The following MYL7 variants were observed in gnomAD, a reference collection of about 807,000 sequenced individuals.
MYL7 encodes myosin light chain 7.
In MYL7, 27 loss-of-function variants were observed where a neutral mutation model predicts 22.5. That is an observed-to-expected ratio of 1.20 (90% confidence interval 0.89 to 1.66). The LOEUF (loss-of-function observed/expected upper bound fraction) is 1.66, where lower values mean the gene tolerates loss of function less well. MYL7 is among the 40% of genes most tolerant of loss of function. The pLI, the probability that MYL7 is intolerant of heterozygous loss-of-function variation, is 0.00. For missense variants in MYL7, 209 were observed against 226.8 expected (o/e 0.92, Z 0.50); for synonymous variants, 81 against 84.4 (o/e 0.96, Z 0.22).
chr7:44,140,119 T>C (rs2096263466), intron 4 of MYL7, among the ~76,000 whole-genome samples: 1 of 152,002 alleles, frequency 6.6e-6, no homozygotes, highest in South Asian at 2.1e-4. Flanking sequence ...GGGTGACCAG[T>C]GCACATGGGA....
rs1278559419 is a variant in MYL7, at chr7:44,140,338, C to T, written c.283G>A (p.Gly95Arg). Residue 95 changes from glycine to arginine, a missense_variant, in exon 4 of 7, where the codon GGG (glycine) becomes AGG (arginine). Gly to Arg is a moderately radical substitution (Grantham distance 125). Coordinates refer to ENST00000223364, the MANE Select transcript of MYL7 (RefSeq NM_021223.3). ...INFTVFLTLF[G>R]EKLNGTDPEE... ...CCAGGCTCACCATTGAGCTTCTCCC[C>T]AAAGAGCGTGAGGAAGACGGTGAAG... is the stretch of plus-strand genomic sequence containing the variant. 7 of 1,614,006 alleles carry T rather than the reference C, an allele frequency of 4.3e-6. No homozygotes were observed. The East Asian group carries it at 1.1e-4, about 26-fold the overall frequency.
chr7:44,140,484 C>A (rs766451902), intron 3 of MYL7, 57 bp from the exon 4 acceptor site: 3 of 1,452,428 alleles, frequency 2.1e-6, no homozygotes, highest in Non-Finnish European at 2.9e-6. Context: ...CCCAGAAGGC[C>A]CAGGCCGCCC....
chr7:44,140,279 G>A (rs62460073), intron 4 of MYL7, 44 bp downstream of exon 4: 2 of 1,546,870 alleles, frequency 1.3e-6, no homozygotes, highest in Non-Finnish European at 1.8e-6. Context: ...CAGGGTGCAG[G>A]CTCCCTGCCT....
In MYL7 at chr7:44,138,951, G is replaced by T. The variant is rs377292805; in HGVS notation, c.498C>A (p.Ile166=). The stretch of plus-strand genomic sequence containing the variant: ...CCTCTTTCTCGTCTCCATGGGTGAT[G>T]ATGTAGCACAGTGACTTGTAGTCGA... ...GNIDYKSLCY[I]ITHGDEKEE Residue 166 remains isoleucine, a synonymous_variant, in exon 7 of 7, where the codon ATC becomes ATA. Transcript: ENST00000223364. 2 of 1,614,040 alleles carry T rather than the reference G, an allele frequency of 1.2e-6. No individual in the cohort carries two copies. The highest frequency in any genetic ancestry group is 1.7e-6 in the Non-Finnish European group (2 of 1,180,004).
chr7:44,139,689 GC>G, intron 5 of MYL7, 92 bp downstream of exon 5: 1 of 1,572,676 alleles, frequency 6.4e-7, no homozygotes, highest in Non-Finnish European at 8.7e-7. Context: ...GCAGTGTAAG[GC>G]CCCGAAGCAC....
intron 3 of MYL7, 89 bp from the exon 4 acceptor site, chr7:44,140,516 G>C: frequency 3.9e-6 from 5 of 1,278,576 alleles, no homozygotes; most frequent in Non-Finnish European, 5.5e-6. Flanking sequence ...TGGCCACAGG[G>C]GCTGGAGGGG....
In MYL7 at chr7:44,140,707, C is replaced by A. The variant is rs373304028; in HGVS notation, c.193+5G>T. The A allele has an allele frequency of 1.9e-6, 3 of 1,598,434 alleles. No homozygotes were observed. The highest frequency in any genetic ancestry group is 2.6e-6 in the Non-Finnish European group (3 of 1,172,332). Reference sequence around the variant, plus strand: ...GTGCGCAGGGTGGGAGGTGGGTGCACGCACCCAGCTGGGAGTAGGTCTCCC... The same window carrying A: ...GTGCGCAGGGTGGGAGGTGGGTGCAAGCACCCAGCTGGGAGTAGGTCTCCC... On this transcript the variant is annotated splice_donor_5th_base_variant and intron_variant, in intron 3 of 6. Coordinates refer to ENST00000223364, the MANE Select transcript of MYL7 (RefSeq NM_021223.3).
chr7:44,140,550 G>T, intron 3 of MYL7, 123 bp from the exon 4 acceptor site: 1 of 1,163,618 alleles, frequency 8.6e-7, no homozygotes, highest in Non-Finnish European at 1.2e-6. Context: ...GGGTCGGGAA[G>T]GTGAAGTGGA....
At position 44,141,085 on chromosome 7, in the gene MYL7, G is replaced by C; in HGVS notation, c.4-11C>G. The C allele has an allele frequency of 6.2e-7, 1 of 1,613,236 alleles. No homozygotes were observed. Among genetic ancestry groups the C allele is most frequent in the South Asian group, 1.1e-5 (1 of 91,060 alleles). On this transcript the variant is annotated splice_polypyrimidine_tract_variant and intron_variant, in intron 1 of 6. Coordinates refer to ENST00000223364, the MANE Select transcript of MYL7 (RefSeq NM_021223.3). Reference sequence around the variant, plus strand: ...CGCCTTCCTGCTGGCCTGCAACACTGTGAGTAGGGAGGGGTCCTCTCCCCA... The same window carrying C: ...CGCCTTCCTGCTGGCCTGCAACACTCTGAGTAGGGAGGGGTCCTCTCCCCA...
chr7:44,141,049 C>T lies in MYL7; in HGVS notation c.29G>A (p.Gly10Asp). The change falls in exon 2 of 7, where the codon GGC (glycine) becomes GAC (aspartate). Residue 10 changes from glycine to aspartate, a missense_variant. By Grantham distance (94) the Gly-to-Asp change is moderately conservative. Transcript: ENST00000223364. MASRKAGTR[G>D]KVAATKQAQR... is the part of the protein sequence containing the mutation. ...GGCCTGCTTGGTGGCTGCCACCTTG[C>T]CCCGGGTCCCCGCCTTCCTGCTGGC... 1.2e-6 allele frequency: 2 copies of T among 1,613,960 alleles called. No homozygotes were observed. The highest frequency in any genetic ancestry group is 1.1e-5 in the South Asian group (1 of 91,080).
At position 44,140,335 on chromosome 7, in the gene MYL7, C is replaced by T; in HGVS notation, c.286G>A (p.Glu96Lys). Reference sequence around the variant, plus strand: ...GTCCCAGGCTCACCATTGAGCTTCTCCCCAAAGAGCGTGAGGAAGACGGTG... The same window carrying T: ...GTCCCAGGCTCACCATTGAGCTTCTTCCCAAAGAGCGTGAGGAAGACGGTG... ...NFTVFLTLFG[E>K]KLNGTDPEEA... The change falls in exon 4 of 7, where the codon GAG becomes AAG. Residue 96 changes from glutamate to lysine, a missense_variant. Transcript: ENST00000223364. The T allele has an allele frequency of 1.2e-6, 2 of 1,613,958 alleles. No homozygotes were observed. The highest frequency in any genetic ancestry group is 8.5e-7 in the Non-Finnish European group (1 of 1,179,940).
In MYL7 at chr7:44,138,883, T is replaced by G. The variant is rs374938795; in HGVS notation, c.*38A>C. 9.1e-5 allele frequency: 141 copies of G among 1,557,868 alleles called. No homozygotes were observed. Among genetic ancestry groups the G allele is most frequent in the Non-Finnish European group, 1.2e-4 (138 of 1,129,530 alleles). On this transcript the variant is annotated 3_prime_UTR_variant, in exon 7 of 7. Coordinates refer to ENST00000223364, the MANE Select transcript of MYL7 (RefSeq NM_021223.3). Reference sequence around the variant, plus strand: ...CAGCAATTCCAATTTTGCAACAGAGTTTATTGAGGTGCCCCCCCGTGGGCC... The same window carrying G: ...CAGCAATTCCAATTTTGCAACAGAGGTTATTGAGGTGCCCCCCCGTGGGCC...
At chr7:44,140,269 C>T in intron 4 of MYL7, 54 bp downstream of exon 4, 8 of 1,480,212 alleles carry the variant, frequency 5.4e-6, no homozygotes, top group Non-Finnish European at 7.5e-6. Flanking sequence ...GGGGTTCAGG[C>T]AGGGTGCAGG....
Position 44,138,991 on chromosome 7 carries a change from T to G in MYL7, c.458A>C (p.Asp153Ala), listed in dbSNP as rs1414768554. The G allele has an allele frequency of 6.2e-7, 1 of 1,614,098 alleles. No homozygotes were observed. Among genetic ancestry groups the G allele is most frequent in the Non-Finnish European group, 8.5e-7 (1 of 1,179,998 alleles). ...VEQMFALTPM[D>A]LAGNIDYKSL... Reference sequence around the variant, plus strand: ...CTTGTAGTCGATGTTCCCCGCCAGGTCCATGGGTGTCAGGGCGAACATCTG... The same window carrying G: ...CTTGTAGTCGATGTTCCCCGCCAGGGCCATGGGTGTCAGGGCGAACATCTG... Residue 153 changes from aspartate to alanine, a missense_variant, in exon 7 of 7, where the codon GAC (aspartate) becomes GCC (alanine). Transcript: ENST00000223364.
At chr7:44,139,152 G>C in intron 6 of MYL7, 130 bp from the exon 7 acceptor site, 1 of 685,526 alleles carries the variant, frequency 1.5e-6, no homozygotes. Flanking sequence ...TTCAACCCTA[G>C]ACCCCAGACT....
chr7:44,140,155 A>G (rs1333040064), intron 4 of MYL7, among the ~76,000 whole-genome samples, 168 bp downstream of exon 4: 7 of 151,886 alleles, frequency 4.6e-5, no homozygotes, highest in Admixed American at 1.3e-4. Context: ...TGTGCTTGGA[A>G]TGGGTCATGG....
At chr7:44,139,721 G>A in intron 5 of MYL7, 61 bp downstream of exon 5, 2 of 1,597,440 alleles carry the variant, frequency 1.3e-6, no homozygotes, top group Non-Finnish European at 1.7e-6. Context: ...CCTCACTAGG[G>A]GCCTCACCCC....
rs2096263038 is a variant in MYL7 at position 44,139,777 on chromosome 7, C to T, written c.377+5G>A. On this transcript the variant is annotated splice_donor_5th_base_variant and intron_variant, in intron 5 of 6. Transcript: ENST00000223364. Reference sequence around the variant, plus strand: ...TGCTCCTCATCTGGCTGGGCCCATACTTACTCATCCTTGTTCACCACCCCT... The same window carrying T: ...TGCTCCTCATCTGGCTGGGCCCATATTTACTCATCCTTGTTCACCACCCCT... 6.2e-7 allele frequency: 1 copy of T among 1,612,676 alleles called. No homozygotes were observed. The highest frequency in any genetic ancestry group is 8.5e-7 in the Non-Finnish European group (1 of 1,179,686).
chr7:44,139,910 G>T, intron 4 of MYL7, 50 bp from the exon 5 acceptor site: 2 of 1,523,534 alleles, frequency 1.3e-6, no homozygotes, highest in Admixed American at 2.2e-5. Flanking sequence ...AGCATCCCAG[G>T]TCCCCCGCAG....
Sources: gnomAD v4.1 joint callset for allele counts (sites outside exome capture counted in the v4.1 genomes callset) on GRCh38, gnomAD v4.1.1 for gene constraint, MANE v1.5 for transcripts, NCBI Gene and HGNC (gene_info 2026-07-23, HGNC 2026-07-21) for gene names.